The following KIAA0586 variants were observed in gnomAD, a reference collection of about 807,000 sequenced individuals.
The protein encoded by KIAA0586 is protein TALPID3.
A neutral mutation model predicts 169.8 loss-of-function variants in KIAA0586; 144 were observed. The ratio of observed to expected loss-of-function variants is 0.85; its 90% confidence interval spans 0.74 to 0.97. The LOEUF is 0.97. KIAA0586 is among the 50% of genes least tolerant of loss of function. KIAA0586 has a pLI of 0.00. For missense variants in KIAA0586, 1,854 were observed against 1,823.0 expected (o/e 1.02, Z -0.31); for synonymous variants, 625 against 612.4 (o/e 1.02, Z -0.30).
In KIAA0586 at chr14:58,432,371, G is replaced by A. The variant is rs756536364; in HGVS notation, c.341-17G>A. The A allele has an allele frequency of 7.0e-7, 1 of 1,426,174 alleles. No homozygotes were observed. The highest frequency in any genetic ancestry group is 1.3e-5 in the South Asian group (1 of 75,612). 88.3% of individuals were successfully genotyped at this position (1,426,174 alleles called of 1,614,324 possible). A position where few individuals can be genotyped will look rare whatever the true frequency, so the allele number is the denominator to read the frequency against. On this transcript the variant is annotated splice_polypyrimidine_tract_variant and intron_variant, in intron 3 of 30. Transcript: ENST00000652326. ...ATTCAGGAATTTAATATATATTTTT[G>A]TGTCTTGATTTTGCAGCAAATGACA...
Position 58,460,071 on chromosome 14 carries a change from G to C in KIAA0586, c.1884+1G>C. Reference sequence around the variant, plus strand: ...AAGTTTACAGAAAGAGAGAAAGGAAGTAAGATCCTAATCTGTTCTTTTAAC... The same window carrying C: ...AAGTTTACAGAAAGAGAGAAAGGAACTAAGATCCTAATCTGTTCTTTTAAC... On this transcript the variant is annotated splice_donor_variant, in intron 13 of 30. Transcript: ENST00000652326. LOFTEE classifies it high-confidence loss of function. 15 of 1,435,826 alleles carry C rather than the reference G, an allele frequency of 1.0e-5. No individual in the cohort carries two copies. The highest frequency in any genetic ancestry group is 1.4e-5 in the Non-Finnish European group (15 of 1,061,124). 88.9% of individuals were successfully genotyped at this position (1,435,826 alleles called of 1,614,324 possible). A position where few individuals can be genotyped will look rare whatever the true frequency, so the allele number is the denominator to read the frequency against.
chr14:58,461,173 AT>A lies in KIAA0586; in HGVS notation c.2059+18del. On this transcript the variant is annotated intron_variant, in intron 14 of 30. Transcript: ENST00000652326. ...GAACGAGTTAAAGGTAAGGAATCTC[AT>A]TTTTAATGTTTAATCTCATTTCTTA... The A allele has an allele frequency of 6.6e-7, 1 of 1,512,484 alleles. No individual in the cohort carries two copies. The highest frequency in any genetic ancestry group is 8.9e-7 in the Non-Finnish European group (1 of 1,126,568). 93.7% of individuals were successfully genotyped at this position (1,512,484 alleles called of 1,614,324 possible).
chr14:58,484,903 T>TTTATATATATTTTTATATATATATA (rs61008808), intron 21 of KIAA0586, among the ~76,000 whole-genome samples: 272 of 13,492 alleles, frequency 0.02, 22 homozygotes, highest in Non-Finnish European at 0.034. Flanking sequence ...TATATATATA[T>TTTATATATATTTTTATATATATATA]ATATATATAT....
rs1271517236 is a variant in KIAA0586, at chr14:58,548,862, TCTTG to T, written c.*934_*937del. The T allele has an allele frequency of 6.6e-6, 1 of 152,200 alleles. No homozygotes were observed. The highest frequency in any genetic ancestry group is 1.5e-5 in the Non-Finnish European group (1 of 68,030). The allele number at this position is 152,200 out of a possible 1,614,324, so 9.4% of individuals were successfully genotyped here. On this transcript the variant is annotated 3_prime_UTR_variant, in exon 31 of 31. Transcript: ENST00000652326. ...AGGTTCTAATCCCAATTCTGTAACT[TCTTG>T]CTTTGTGATAGGGGCCAACGAAACG...
chr14:58,539,406 T>A (rs550882572), intron 29 of KIAA0586, among the ~76,000 whole-genome samples: 9 of 152,218 alleles, frequency 5.9e-5, no homozygotes, highest in Non-Finnish European at 1.0e-4. Flanking sequence ...GTTAATTGAC[T>A]GTACTTCACA....
rs775451414 is a variant in KIAA0586 at position 58,461,172 on chromosome 14, C to A, written c.2059+12C>A. ...AGAACGAGTTAAAGGTAAGGAATCT[C>A]ATTTTTAATGTTTAATCTCATTTCT... On this transcript the variant is annotated intron_variant, in intron 14 of 30. Coordinates refer to ENST00000652326, the MANE Select transcript of KIAA0586 (RefSeq NM_001329943.3). 2.0e-6 allele frequency: 3 copies of A among 1,523,668 alleles called. No homozygotes were observed. The highest frequency in any genetic ancestry group is 2.6e-5 in the South Asian group (2 of 77,646). 94.4% of individuals were successfully genotyped at this position (1,523,668 alleles called of 1,614,324 possible).
Position 58,449,777 on chromosome 14 carries a change from T to C in KIAA0586, c.962-802T>C, listed in dbSNP as rs80284222. The stretch of plus-strand genomic sequence containing the variant: ...ATTCCAGAGAATTTCTTGCTGATAA[T>C]TTTGTTTTTCTTAAACTTGAGTTTT... On this transcript the variant is annotated intron_variant, in intron 7 of 30. Coordinates refer to ENST00000652326, the MANE Select transcript of KIAA0586 (RefSeq NM_001329943.3). Among the ~76,000 whole-genome samples, 1,052 of 152,330 alleles carry C rather than the reference T, an allele frequency of 6.9e-3. 7 individuals are homozygous for C. The highest frequency in any genetic ancestry group is 0.026 in the East Asian group (133 of 5,194).
chr14:58,540,887 C>T (rs562958640), intron 30 of KIAA0586, among the ~76,000 whole-genome samples: 1 of 152,298 alleles, frequency 6.6e-6, no homozygotes, highest in East Asian at 1.9e-4. Flanking sequence ...TATTCTCAAA[C>T]ACTGGGGCTA....
At chr14:58,520,412 C>G (rs2045116863) in intron 29 of KIAA0586, among the ~76,000 whole-genome samples, 1 of 152,148 alleles carries the variant, frequency 6.6e-6, no homozygotes, top group South Asian at 2.1e-4. Flanking sequence ...ATGGATTTCC[C>G]TATTCTGGAC....
intron 24 of KIAA0586, among the ~76,000 whole-genome samples, chr14:58,489,640 A>G (rs540783355): frequency 9.2e-5 from 14 of 152,042 alleles, no homozygotes; most frequent in African/African-American, 3.4e-4. Context: ...AATAGAGGGC[A>G]TTTAGATTGT....
Position 58,428,343 on chromosome 14 carries a change from C to T in KIAA0586, c.79C>T (p.Gln27Ter). The change falls in exon 1 of 31, where the codon CAA becomes TAA. Residue 27 changes from glutamine to a stop codon, truncating the protein, a stop_gained. Transcript: ENST00000652326. LOFTEE classifies it high-confidence loss of function. ...PVKRLREVVS[Q>*]NHGDHLVLLK... is the part of the protein sequence containing the mutation. ...GAAGAGACTTCGTGAGGTAGTTTCTCAAAATCATGGAGATCATTTGGTTTT... is the reference window on the plus strand; with the variant it reads ...GAAGAGACTTCGTGAGGTAGTTTCTTAAAATCATGGAGATCATTTGGTTTT... 6.2e-7 allele frequency: 1 copy of T among 1,613,932 alleles called. No homozygotes were observed. Among genetic ancestry groups the T allele is most frequent in the Non-Finnish European group, 8.5e-7 (1 of 1,179,856 alleles).
At chr14:58,435,508 A>AT (rs1289052871) in intron 4 of KIAA0586, among the ~76,000 whole-genome samples, 1 of 152,108 alleles carries the variant, frequency 6.6e-6, no homozygotes, top group Non-Finnish European at 1.5e-5. Flanking sequence ...GTAACACATT[A>AT]TTGTTAACTA....
At chr14:58,471,584 A>T (rs2041217095) in intron 17 of KIAA0586, among the ~76,000 whole-genome samples, 1 of 152,212 alleles carries the variant, frequency 6.6e-6, no homozygotes, top group Admixed American at 6.5e-5. Context: ...TTTCATGATC[A>T]TAAGTAATGA....
chr14:58,482,028 G>A (rs1035526272), intron 20 of KIAA0586, among the ~76,000 whole-genome samples: 8 of 151,320 alleles, frequency 5.3e-5, no homozygotes, highest in African/African-American at 1.5e-4. Flanking sequence ...TAGCCAGGAT[G>A]GTCTCAATCT....
At chr14:58,484,995 C>T (rs1212097985) in intron 21 of KIAA0586, among the ~76,000 whole-genome samples, 22 of 120,004 alleles carry the variant, frequency 1.8e-4, no homozygotes, top group South Asian at 6.5e-4. Flanking sequence ...AGTGCAGTGG[C>T]GTGATCTTGG....
chr14:58,444,817 A>G (rs2038718151), intron 6 of KIAA0586, among the ~76,000 whole-genome samples: 1 of 150,858 alleles, frequency 6.6e-6, no homozygotes, highest in African/African-American at 2.4e-5. Flanking sequence ...GAACAGCTTT[A>G]TAAAAATATT....
Position 58,535,818 on chromosome 14 carries a change from A to G in KIAA0586, c.4430-4253A>G, listed in dbSNP as rs189331693. Among the ~76,000 whole-genome samples the G allele has an allele frequency of 1.2e-3, 188 of 151,818 alleles. 1 individual carries two copies. Among genetic ancestry groups the G allele is most frequent in the Non-Finnish European group, 2.3e-3 (155 of 67,928 alleles). ...TTTAAATTCTGTACATCGTCCCTTT[A>G]AAAATTTATGTTGTTTTGTGGGTTA... is the stretch of plus-strand genomic sequence containing the variant. On this transcript the variant is annotated intron_variant, in intron 29 of 30. Coordinates refer to ENST00000652326, the MANE Select transcript of KIAA0586 (RefSeq NM_001329943.3).
chr14:58,480,846 AAAAT>A (rs1413333687), intron 20 of KIAA0586, among the ~76,000 whole-genome samples: 1 of 152,220 alleles, frequency 6.6e-6, no homozygotes, highest in East Asian at 1.9e-4. Flanking sequence ...AGGGAGGACA[AAAAT>A]AAACAACAAA....
rs549662851 is a variant in KIAA0586, at chr14:58,528,028, G to A, written c.4430-12043G>A. On this transcript the variant is annotated intron_variant, in intron 29 of 30. Transcript: ENST00000652326. ...TGGAGGAATGTTTACCATGCAAATG[G>A]AAAGCAAAAAAAGCATGGGATGCAA... Among the ~76,000 whole-genome samples, 157 of 151,998 alleles carry A rather than the reference G, an allele frequency of 1.0e-3. 1 individual carries two copies. Among genetic ancestry groups the A allele is most frequent in the African/African-American group, 3.7e-3 (154 of 41,500 alleles).
Sources: gnomAD v4.1 joint callset for allele counts (sites outside exome capture counted in the v4.1 genomes callset) on GRCh38, gnomAD v4.1.1 for gene constraint, MANE v1.5 for transcripts, NCBI Gene and HGNC (gene_info 2026-07-23, HGNC 2026-07-21) for gene names.